SLC4A4: variants seen among roughly 807,000 people sequenced by gnomAD.
The protein encoded by SLC4A4 is solute carrier family 4 member 4, also known as electrogenic sodium bicarbonate cotransporter 1.
A neutral mutation model predicts 111.5 loss-of-function variants in SLC4A4; 27 were observed. That is an observed-to-expected ratio of 0.24 (90% CI 0.18 to 0.33). The LOEUF is 0.33. SLC4A4 is among the 10% of genes least tolerant of loss of function. The probability of loss-of-function intolerance (pLI) is 1.00; values close to 1 mark genes in which losing one functional copy is unlikely to be tolerated. For synonymous variants in SLC4A4, 443 were observed against 463.4 expected, an observed-to-expected ratio of 0.96 and a Z score of 0.57; for missense variants, 909 against 1,315.5, an observed-to-expected ratio of 0.69 and a Z score of 4.78.
intron 23 of SLC4A4, among the ~76,000 whole-genome samples, chr4:71,560,730 A>T (rs1196811173): frequency 6.6e-6 from 1 of 151,812 alleles, no homozygotes; most frequent in African/African-American, 2.4e-5. Context: ...CTATGCTGTT[A>T]TATTAATATT....
chr4:71,096,657 A>G (rs369250640), intron 2 of SLC4A4, among the ~76,000 whole-genome samples: 3 of 152,218 alleles, frequency 2.0e-5, no homozygotes, highest in Non-Finnish European at 2.9e-5. Context: ...GCGAGTTCCA[A>G]TATGGCTGAC....
intron 3 of SLC4A4, among the ~76,000 whole-genome samples, chr4:71,282,271 A>G (rs147238985): frequency 6.6e-6 from 1 of 152,010 alleles, no homozygotes; most frequent in Non-Finnish European, 1.5e-5. Flanking sequence ...TAACTGAGTT[A>G]GGAAAAAGGG....
intron 2 of SLC4A4, among the ~76,000 whole-genome samples, chr4:71,129,212 G>C (rs1054164817): frequency 6.6e-6 from 1 of 152,062 alleles, no homozygotes; most frequent in Non-Finnish European, 1.5e-5. Context: ...TGCAAACCAT[G>C]CATCCTACAA....
intron 2 of SLC4A4, among the ~76,000 whole-genome samples, chr4:71,159,564 A>G (rs1744566008): frequency 6.6e-6 from 1 of 151,972 alleles, no homozygotes; most frequent in Non-Finnish European, 1.5e-5. Flanking sequence ...GAGTTTCACC[A>G]TGTTGGCCAG....
Position 71,557,751 on chromosome 4 carries a change from C to A in SLC4A4, c.2803C>A (p.His935Asn). The A allele has an allele frequency of 6.2e-7, 1 of 1,612,808 alleles. No homozygotes were observed. The highest frequency in any genetic ancestry group is 8.5e-7 in the Non-Finnish European group (1 of 1,179,274). Residue 935 changes from histidine (H) to asparagine (N), a missense_variant, in exon 22 of 26, where the codon CAT (histidine) becomes AAT (asparagine). Transcript: ENST00000264485. Reference protein sequence around the residue: ...RLKLLLMPLKHQPDFIYLRHV... With the variant: ...RLKLLLMPLKNQPDFIYLRHV... ...GAAGCTGCTTCTGATGCCTCTGAAG[C>A]ATCAGCCTGACTTCATCTACCTGCG...
At chr4:71,149,008 A>G (rs560362377) in intron 2 of SLC4A4, among the ~76,000 whole-genome samples, 2 of 152,280 alleles carry the variant, frequency 1.3e-5, no homozygotes, top group Admixed American at 1.3e-4. Flanking sequence ...ACTCCCAACA[A>G]CAGTGTATAA....
chr4:71,435,980 C>G (rs1724098110), intron 7 of SLC4A4, among the ~76,000 whole-genome samples: 1 of 152,152 alleles, frequency 6.6e-6, no homozygotes, highest in Admixed American at 6.5e-5. Context: ...TTAGTTCAAC[C>G]ATTGTGGAAG....
intron 3 of SLC4A4, among the ~76,000 whole-genome samples, chr4:71,256,521 G>T (rs1721463928): frequency 6.6e-6 from 1 of 152,256 alleles, no homozygotes; most frequent in African/African-American, 2.4e-5. Context: ...CAGAAGCTTG[G>T]AGGGGAGCTT....
At chr4:71,329,130 T>G (rs1352130625) in intron 3 of SLC4A4, among the ~76,000 whole-genome samples, 1 of 152,104 alleles carries the variant, frequency 6.6e-6, no homozygotes, top group Non-Finnish European at 1.5e-5. Context: ...TCACTGTAGA[T>G]GTATGAGTTT....
rs2123666 is a variant in SLC4A4, at chr4:71,531,833, C to A, written c.2167-229C>A. Among the ~76,000 whole-genome samples, 115,453 of 148,840 alleles carry A rather than the reference C, an allele frequency of 0.78. 45,162 individuals carry two copies. Among genetic ancestry groups the A allele is most frequent in the Non-Finnish European group, 0.83 (56,424 of 67,588 alleles). ...AAGAGAGAGAGAGAGAGAGAAAGAG[C>A]GAGCGCAACCTGTTCTTTGGGATAC... On this transcript the variant is annotated intron_variant, in intron 16 of 25. Coordinates refer to ENST00000264485, the MANE Select transcript of SLC4A4 (RefSeq NM_001098484.3).
At chr4:71,470,334 A>G (rs1727752162) in intron 13 of SLC4A4, among the ~76,000 whole-genome samples, 1 of 152,064 alleles carries the variant, frequency 6.6e-6, no homozygotes, top group African/African-American at 2.4e-5. Context: ...TTACCCCAGT[A>G]TTAATAATCT....
intron 2 of SLC4A4, among the ~76,000 whole-genome samples, chr4:71,140,943 T>C (rs941240263): frequency 1.3e-5 from 2 of 152,218 alleles, no homozygotes; most frequent in Admixed American, 6.5e-5. Context: ...ATGAATATAA[T>C]GTGGGATAAT....
At chr4:71,491,880 A>G (rs747806344) in intron 15 of SLC4A4, among the ~76,000 whole-genome samples, 37 of 151,784 alleles carry the variant, frequency 2.4e-4, no homozygotes, top group Non-Finnish European at 3.7e-4. Context: ...CATTTTGCTT[A>G]AAGTTCCAGT....
rs538195325 is a variant in SLC4A4 at position 71,064,962 on chromosome 4, A to G, written c.-65+2174A>G. On this transcript the variant is annotated intron_variant, in intron 1 of 26. Coordinates refer to the SLC4A4 transcript ENST00000649996. ...AAGGTGTTAACTTGTTTTTCTGTTTATTGCCTCCTCTTCTGCCAACAAAAA... is the reference window on the plus strand; with the variant it reads ...AAGGTGTTAACTTGTTTTTCTGTTTGTTGCCTCCTCTTCTGCCAACAAAAA... Among the ~76,000 whole-genome samples the G allele has an allele frequency of 5.9e-5, 9 of 152,272 alleles. No homozygotes were observed. The South Asian group carries it at 1.2e-3, about 21-fold the overall frequency.
At chr4:71,273,868 ATGG>A (rs1319577820) in intron 3 of SLC4A4, among the ~76,000 whole-genome samples, 2 of 152,180 alleles carry the variant, frequency 1.3e-5, no homozygotes, top group Non-Finnish European at 1.5e-5. Context: ...TATCTGAAAA[ATGG>A]TGGTAATACT....
intron 2 of SLC4A4, among the ~76,000 whole-genome samples, chr4:71,110,129 G>C (rs1464232325): frequency 2.0e-5 from 3 of 152,142 alleles, no homozygotes; most frequent in Non-Finnish European, 4.4e-5. Flanking sequence ...ATTACTGTCT[G>C]GGTGGGGAAA....
intron 12 of SLC4A4, among the ~76,000 whole-genome samples, chr4:71,461,771 C>G (rs942096816): frequency 2.2e-4 from 33 of 152,184 alleles, no homozygotes; most frequent in African/African-American, 7.2e-4. Flanking sequence ...CACGGGCCAT[C>G]CTTGGTTTAA....
intron 20 of SLC4A4, among the ~76,000 whole-genome samples, chr4:71,551,015 G>A (rs926154662): frequency 1.3e-5 from 2 of 151,830 alleles, no homozygotes; most frequent in African/African-American, 4.8e-5. Context: ...AAGAATAACT[G>A]GCGCCCCTGG....
At chr4:71,226,356 G>A (rs528127915) in intron 1 of SLC4A4, among the ~76,000 whole-genome samples, 1 of 152,254 alleles carries the variant, frequency 6.6e-6, no homozygotes, top group South Asian at 2.1e-4. Context: ...TTATTTTTAA[G>A]TTCATTCATT....
Sources: gnomAD v4.1 joint callset for allele counts (sites outside exome capture counted in the v4.1 genomes callset) on GRCh38, gnomAD v4.1.1 for gene constraint, MANE v1.5 for transcripts, NCBI Gene and HGNC (gene_info 2026-07-23, HGNC 2026-07-21) for gene names.